Variants in CTNNA2 observed in about 807,000 individuals in gnomAD.
CTNNA2 encodes the protein catenin alpha 2, also known as catenin alpha-2.
CTNNA2 carries 42 observed loss-of-function variants against 101.0 expected under a neutral mutation model. That is an observed-to-expected ratio of 0.42 (90% CI 0.32 to 0.54). CTNNA2 has a LOEUF of 0.54. CTNNA2 is among the 20% of genes least tolerant of loss of function. The pLI is 0.14. For missense variants in CTNNA2, 871 were observed against 1,223.1 expected (o/e 0.71, Z 4.29); for synonymous variants, 450 against 456.4 (o/e 0.99, Z 0.18).
intron 4 of CTNNA2, among the ~76,000 whole-genome samples, chr2:79,408,290 TTTA>T (rs67079601): frequency 0.42 from 61,699 of 147,608 alleles, 13,974 homozygotes; most frequent in African/African-American, 0.58. Context: ...AAAGAATAAA[TTTA>T]TTATTATTAT....
In CTNNA2 at chr2:80,090,144, CTCTG is replaced by C. The variant is rs1370505855; in HGVS notation, c.1056+180349_1056+180352del. On this transcript the variant is annotated intron_variant, in intron 7 of 18. Coordinates refer to ENST00000402739, the MANE Select transcript of CTNNA2 (RefSeq NM_001282597.3). Reference sequence around the variant, plus strand: ...AGAAAGGAAGTTTCACTCTCTCTCTCTCTGTGTGTGTGTGTGTGTGTGTGTGTGT... The same window carrying C: ...AGAAAGGAAGTTTCACTCTCTCTCTCTGTGTGTGTGTGTGTGTGTGTGTGT... Among the ~76,000 whole-genome samples the C allele has an allele frequency of 2.6e-3, 222 of 86,692 alleles. 1 individual carries two copies. The highest frequency in any genetic ancestry group is 3.5e-3 in the South Asian group (4 of 1,132). 56.9% of individuals were successfully genotyped at this position (86,692 alleles called of 152,430 possible). A position where few individuals can be genotyped will look rare whatever the true frequency, so the allele number is the denominator to read the frequency against.
At chr2:80,538,914 G>C (rs984342574) in intron 9 of CTNNA2, among the ~76,000 whole-genome samples, 1 of 152,248 alleles carries the variant, frequency 6.6e-6, no homozygotes, top group South Asian at 2.1e-4. Context: ...GCAGTGGTTT[G>C]TAGTTCTCCT....
Position 80,648,485 on chromosome 2 carries a change from T to TAATGTTTTTA in CTNNA2, c.*613_*614insAATGTTTTTA, listed in dbSNP as rs1204182931. On this transcript the variant is annotated 3_prime_UTR_variant, in exon 19 of 19. Transcript: ENST00000402739. ...CTTCTAGTTGTGCCATTACTAGTGA[T>TAATGTTTTTA]CATGTTTTTTTCCCCCCTTTAATGA... 6.6e-6 allele frequency: 1 copy of TAATGTTTTTA among 152,542 alleles called. No homozygotes were observed. The highest frequency in any genetic ancestry group is 1.5e-5 in the Non-Finnish European group (1 of 68,012). The allele number at this position is 152,542 out of a possible 1,614,324, so 9.4% of individuals were successfully genotyped here.
At chr2:79,338,575 A>ATCTTCTTCTTCTTCC (rs1239699778) in intron 3 of CTNNA2, among the ~76,000 whole-genome samples, 1 of 115,422 alleles carries the variant, frequency 8.7e-6, no homozygotes, top group Non-Finnish European at 1.8e-5. Flanking sequence ...CTTCCTCCTC[A>ATCTTCTTCTTCTTCC]TCATCTTCTT....
intron 9 of CTNNA2, among the ~76,000 whole-genome samples, chr2:80,530,831 C>A (rs1260396140): frequency 6.6e-6 from 1 of 152,164 alleles, no homozygotes; most frequent in Admixed American, 6.5e-5. Context: ...GGATTGCTCC[C>A]AGGGGAAAAG....
intron 3 of CTNNA2, among the ~76,000 whole-genome samples, chr2:79,357,044 G>C (rs1001707690): frequency 6.6e-6 from 1 of 152,148 alleles, no homozygotes; most frequent in Admixed American, 6.5e-5. Context: ...AAACTCAATA[G>C]AGCTGGGTGG....
At chr2:80,030,284 C>T (rs1695206315) in intron 7 of CTNNA2, among the ~76,000 whole-genome samples, 1 of 151,402 alleles carries the variant, frequency 6.6e-6, no homozygotes, top group Non-Finnish European at 1.5e-5. Flanking sequence ...GTCTCTTAGA[C>T]TGTCCCAGCA....
intron 7 of CTNNA2, among the ~76,000 whole-genome samples, chr2:79,956,063 G>A (rs1463110940): frequency 1.3e-5 from 2 of 152,186 alleles, no homozygotes; most frequent in African/African-American, 4.8e-5. Context: ...GCTAATGACT[G>A]AATACAAAAA....
chr2:79,558,413 A>G (rs895915786), intron 1 of CTNNA2, among the ~76,000 whole-genome samples: 6 of 151,940 alleles, frequency 3.9e-5, no homozygotes, highest in South Asian at 2.1e-4. Context: ...TTGTCACTCT[A>G]TCTGTTTATA....
chr2:80,307,199 A>G (rs1005640972), intron 7 of CTNNA2, among the ~76,000 whole-genome samples: 10 of 152,098 alleles, frequency 6.6e-5, no homozygotes, highest in Admixed American at 2.0e-4. Context: ...ACCCCTTGGC[A>G]GAACCGTATA....
At chr2:79,504,922 A>G (rs1053602389) in intron 4 of CTNNA2, 3 of 152,200 alleles carry the variant, frequency 2.0e-5, no homozygotes, top group Non-Finnish European at 4.4e-5. Flanking sequence ...GAATCTGGAT[A>G]TTAAATTTTC....
intron 1 of CTNNA2, among the ~76,000 whole-genome samples, chr2:79,550,865 G>T (rs1294990744): frequency 2.0e-5 from 3 of 152,266 alleles, no homozygotes; most frequent in African/African-American, 7.2e-5. Context: ...TTGGGACTCA[G>T]TTCTGCCTCC....
chr2:79,604,100 G>C (rs543204422), intron 1 of CTNNA2, among the ~76,000 whole-genome samples: 1 of 152,314 alleles, frequency 6.6e-6, no homozygotes, highest in Non-Finnish European at 1.5e-5. Flanking sequence ...TAGTGATATT[G>C]ATTGCAGTGC....
At chr2:79,835,285 A>G (rs1679237621) in intron 3 of CTNNA2, among the ~76,000 whole-genome samples, 1 of 152,166 alleles carries the variant, frequency 6.6e-6, no homozygotes, top group South Asian at 2.1e-4. Flanking sequence ...CTGAGTCCAT[A>G]TAAATCTGTT....
intron 6 of CTNNA2, among the ~76,000 whole-genome samples, chr2:79,906,927 T>A (rs1453893240): frequency 6.6e-6 from 1 of 152,176 alleles, no homozygotes; most frequent in Non-Finnish European, 1.5e-5. Context: ...CATCAAAACA[T>A]TATATCTCTA....
At chr2:80,411,165 A>G (rs578182668) in intron 8 of CTNNA2, among the ~76,000 whole-genome samples, 4 of 152,346 alleles carry the variant, frequency 2.6e-5, no homozygotes, top group African/African-American at 7.2e-5. Context: ...GCATCTTACA[A>G]TTTACTATTT....
chr2:80,159,795 C>T (rs1048719426), intron 7 of CTNNA2, among the ~76,000 whole-genome samples: 3 of 152,096 alleles, frequency 2.0e-5, no homozygotes, highest in African/African-American at 4.8e-5. Context: ...TTTTAATCCT[C>T]TTAACAGGAC....
At position 79,798,070 on chromosome 2, in the gene CTNNA2, T is replaced by C. The variant is rs933555515; in HGVS notation, c.298+53488T>C. 2.0e-5 allele frequency among the ~76,000 whole-genome samples: 3 copies of C among 152,184 alleles called. 1 individual carries two copies. The highest frequency in any genetic ancestry group is 7.2e-5 in the African/African-American group (3 of 41,446). ...AGCATAGTCCCAAGACCTGCAGCAT[T>C]CTCTGGGAACTTGTTAGGGATTCAT... On this transcript the variant is annotated intron_variant, in intron 3 of 18. Transcript: ENST00000402739.
rs894703343 is a variant in CTNNA2 at position 79,301,178 on chromosome 2, C to G, written c.-405-11531C>G. Among the ~76,000 whole-genome samples, 16 of 152,270 alleles carry G rather than the reference C, an allele frequency of 1.1e-4. No individual in the cohort carries two copies. In the East Asian group the frequency reaches 2.7e-3, roughly 26 times the overall value. ...TCCCCTGTTCTGTGTTGCAATAAACCTTGTCCATATCTCTCCTTTTGAACC... is the reference window on the plus strand; with the variant it reads ...TCCCCTGTTCTGTGTTGCAATAAACGTTGTCCATATCTCTCCTTTTGAACC... On this transcript the variant is annotated intron_variant, in intron 2 of 21. Coordinates refer to the CTNNA2 transcript ENST00000466387.
Sources: allele counts gnomAD v4.1 joint callset (sites outside exome capture counted in the v4.1 genomes callset), GRCh38; gene constraint gnomAD v4.1.1; transcripts MANE v1.5; gene names NCBI Gene and HGNC (gene_info 2026-07-23, HGNC 2026-07-21).